Variants in KLHL1 observed in about 807,000 individuals in gnomAD.
KLHL1 encodes the protein kelch like family member 1.
Under a neutral mutation model 77.7 loss-of-function variants are expected in KLHL1, and 47 were observed. The ratio of observed to expected loss-of-function variants is 0.60; its 90% CI spans 0.48 to 0.77. The LOEUF is 0.77. Among genes scored for constraint, KLHL1 ranks in the 30% least tolerant of loss-of-function variants. The pLI, the probability that KLHL1 is intolerant of heterozygous loss-of-function variation, is 0.00. For missense variants in KLHL1, 925 were observed against 910.8 expected (o/e 1.02, Z -0.20); for synonymous variants, 360 against 325.2 (o/e 1.11, Z -1.15).
intron 6 of KLHL1, among the ~76,000 whole-genome samples, chr13:69,837,690 A>G: frequency 7.9e-6 from 1 of 126,126 alleles, no homozygotes; most frequent in Admixed American, 7.8e-5. Context: ...ATATATATAC[A>G]CATATATATA....
intron 1 of KLHL1, among the ~76,000 whole-genome samples, chr13:70,021,632 A>C (rs143130560): frequency 8.7e-4 from 133 of 152,082 alleles, no homozygotes; most frequent in African/African-American, 3.1e-3. Context: ...CCCATCAGCA[A>C]TGAATGAGAA....
chr13:69,946,767 A>C (rs73510191), intron 3 of KLHL1, among the ~76,000 whole-genome samples: 22,265 of 150,020 alleles, frequency 0.15, 2,396 homozygotes, highest in African/African-American at 0.34. Flanking sequence ...CTTGCTCTGG[A>C]CTCCCAAATT....
At chr13:69,968,893 G>T (rs1408830197) in intron 2 of KLHL1, among the ~76,000 whole-genome samples, 1 of 151,972 alleles carries the variant, frequency 6.6e-6, no homozygotes, top group Non-Finnish European at 1.5e-5. Context: ...AAAAAGAAGT[G>T]CTCAAAACAA....
chr13:69,863,714 T>C (rs2138158374), intron 5 of KLHL1, among the ~76,000 whole-genome samples: 1 of 152,178 alleles, frequency 6.6e-6, no homozygotes, highest in East Asian at 1.9e-4. Context: ...CAGTGTCTAT[T>C]GGATGATGCA....
At chr13:69,834,887 G>C (rs1477360401) in intron 6 of KLHL1, among the ~76,000 whole-genome samples, 2 of 152,034 alleles carry the variant, frequency 1.3e-5, no homozygotes, top group Admixed American at 1.3e-4. Context: ...AGAAGTGTGG[G>C]ATTTGGTCAA....
intron 4 of KLHL1, among the ~76,000 whole-genome samples, chr13:69,910,600 G>T (rs540653891): frequency 2.1e-4 from 32 of 151,962 alleles, no homozygotes; most frequent in African/African-American, 7.7e-4. Flanking sequence ...ATCAAACATA[G>T]ACTGAGAAAT....
In KLHL1 at chr13:70,038,110, T is replaced by A. The variant is rs369731907; in HGVS notation, c.498-62308A>T. On this transcript the variant is annotated intron_variant, in intron 1 of 10. Transcript: ENST00000377844. ...ACAAACACTAACTTGTTTTCCATCT[T>A]CACGTTTAAGCCATTTCAAGAATGC... Among the ~76,000 whole-genome samples the A allele has an allele frequency of 3.1e-4, 47 of 152,322 alleles. No individual in the cohort carries two copies. The East Asian group carries it at 5.8e-3, about 19-fold the overall frequency.
At chr13:69,867,508 T>C (rs982113170) in intron 5 of KLHL1, among the ~76,000 whole-genome samples, 1 of 151,990 alleles carries the variant, frequency 6.6e-6, no homozygotes, top group Non-Finnish European at 1.5e-5. Context: ...TTTTATATAA[T>C]GCTTTGTTTA....
intron 7 of KLHL1, among the ~76,000 whole-genome samples, chr13:69,760,181 A>T (rs1874953504): frequency 6.6e-6 from 1 of 152,164 alleles, no homozygotes; most frequent in Non-Finnish European, 1.5e-5. Flanking sequence ...CCTATTAAGG[A>T]GTAAGACAAA....
intron 1 of KLHL1, among the ~76,000 whole-genome samples, chr13:70,010,755 G>A (rs1209959323): frequency 6.6e-6 from 1 of 151,964 alleles, no homozygotes; most frequent in African/African-American, 2.4e-5. Flanking sequence ...AGCTGGGTGT[G>A]GTGGTGGGTG....
chr13:69,915,373 G>A (rs974695515), intron 4 of KLHL1, among the ~76,000 whole-genome samples: 1 of 152,060 alleles, frequency 6.6e-6, no homozygotes, highest in African/African-American at 2.4e-5. Flanking sequence ...CAAAACAGCA[G>A]GGTACTGGTA....
intron 7 of KLHL1, among the ~76,000 whole-genome samples, chr13:69,747,151 A>C (rs949373783): frequency 8.5e-5 from 13 of 152,080 alleles, no homozygotes; most frequent in African/African-American, 3.1e-4. Flanking sequence ...TGATGACTTT[A>C]AGAATTTGAT....
chr13:69,822,416 T>A (rs887886808), intron 6 of KLHL1, among the ~76,000 whole-genome samples: 1 of 152,198 alleles, frequency 6.6e-6, no homozygotes, highest in Non-Finnish European at 1.5e-5. Flanking sequence ...ATGTTTTTGA[T>A]TTGGGAGAAA....
chr13:69,903,630 CTTTT>C (rs35761520), intron 4 of KLHL1, among the ~76,000 whole-genome samples: 20 of 50,194 alleles, frequency 4.0e-4, no homozygotes, highest in African/African-American at 1.7e-3. Flanking sequence ...TGTTCACATT[CTTTT>C]TTTTTTTTTT....
intron 7 of KLHL1, among the ~76,000 whole-genome samples, chr13:69,780,711 T>C (rs1309905421): frequency 3.0e-4 from 12 of 40,012 alleles, no homozygotes; most frequent in African/African-American, 1.5e-3. Flanking sequence ...TGTATATATA[T>C]ATATGTATAT....
chr13:69,879,055 A>C (rs1226862380), intron 5 of KLHL1, among the ~76,000 whole-genome samples: 2 of 152,156 alleles, frequency 1.3e-5, no homozygotes, highest in East Asian at 3.9e-4. Context: ...GAACAATGAG[A>C]ACACTTGGAC....
intron 5 of KLHL1, among the ~76,000 whole-genome samples, chr13:69,871,956 T>C (rs574148208): frequency 3.9e-5 from 6 of 152,296 alleles, no homozygotes; most frequent in Non-Finnish European, 7.4e-5. Flanking sequence ...CGTTACCCAG[T>C]GCCAAGGCTG....
intron 1 of KLHL1, among the ~76,000 whole-genome samples, chr13:70,009,451 C>A (rs1307702036): frequency 1.3e-5 from 2 of 151,982 alleles, no homozygotes; most frequent in African/African-American, 4.8e-5. Context: ...TGTGGGAAAC[C>A]CAATTTATTT....
chr13:69,800,249 T>C (rs908618488), intron 6 of KLHL1, among the ~76,000 whole-genome samples: 1 of 152,202 alleles, frequency 6.6e-6, no homozygotes, highest in Non-Finnish European at 1.5e-5. Flanking sequence ...AATCTGTTTA[T>C]GTTAAATTCA....
Sources: allele counts gnomAD v4.1 joint callset (sites outside exome capture counted in the v4.1 genomes callset), GRCh38; gene constraint gnomAD v4.1.1; transcripts MANE v1.5; gene names NCBI Gene and HGNC (gene_info 2026-07-23, HGNC 2026-07-21).